Variants in SLC28A1 observed in about 807,000 individuals in gnomAD.
SLC28A1 encodes solute carrier family 28 member 1.
A neutral mutation model predicts 74.8 loss-of-function variants in SLC28A1; 64 were observed. The ratio of observed to expected loss-of-function variants is 0.86; its 90% confidence interval spans 0.70 to 1.05. SLC28A1 has a LOEUF of 1.05. Ranked by LOEUF, SLC28A1 falls within the 50% of genes least tolerant of loss-of-function variation. The pLI is 0.00. For synonymous variants in SLC28A1, 359 were observed against 335.0 expected (o/e 1.07, Z -0.78); for missense variants, 828 against 822.8 (o/e 1.01, Z -0.08).
the SLC28A1 span, among the ~76,000 whole-genome samples, chr15:84,951,195 C>G: frequency 6.6e-6 from 1 of 152,030 alleles, no homozygotes; most frequent in African/African-American, 2.4e-5. Flanking sequence ...CCTCTGTAGT[C>G]CCAGCACTTT....
chr15:84,971,673 A>G, the SLC28A1 span, among the ~76,000 whole-genome samples: 1 of 143,432 alleles, frequency 7.0e-6, no homozygotes, highest in Non-Finnish European at 1.5e-5. Flanking sequence ...TCTTTTTGAC[A>G]GGGTGTCACT....
chr15:84,914,583 G>A (rs547984986), intron 9 of SLC28A1, among the ~76,000 whole-genome samples: 1 of 152,294 alleles, frequency 6.6e-6, no homozygotes, highest in African/African-American at 2.4e-5. Flanking sequence ...TTGTGAAGTG[G>A]CGACAGTTAC....
intron 5 of SLC28A1, among the ~76,000 whole-genome samples, chr15:84,892,260 G>A (rs931862393): frequency 2.6e-5 from 4 of 152,124 alleles, no homozygotes; most frequent in African/African-American, 9.7e-5. Context: ...AGTCATTATA[G>A]GTGCTCTGGA....
At chr15:84,899,665 A>G (rs988725863) in intron 6 of SLC28A1, among the ~76,000 whole-genome samples, 1 of 152,184 alleles carries the variant, frequency 6.6e-6, no homozygotes, top group Non-Finnish European at 1.5e-5. Context: ...TTCAAAAAAG[A>G]AGAGGAAATA....
At chr15:84,888,572 G>A (rs1323411735) in intron 3 of SLC28A1, among the ~76,000 whole-genome samples, 200 bp from the exon 4 acceptor site, 1 of 152,222 alleles carries the variant, frequency 6.6e-6, no homozygotes, top group Non-Finnish European at 1.5e-5. Flanking sequence ...AGGGCAAGAT[G>A]TGTCTGGCAG....
chr15:84,951,051 G>A, the SLC28A1 span, among the ~76,000 whole-genome samples: 1 of 152,142 alleles, frequency 6.6e-6, no homozygotes, highest in East Asian at 1.9e-4. Flanking sequence ...CACGTTCTTG[G>A]TATATTTCAC....
chr15:84,891,201 G>T (rs568886605), intron 5 of SLC28A1, among the ~76,000 whole-genome samples: 1 of 152,304 alleles, frequency 6.6e-6, no homozygotes, highest in South Asian at 2.1e-4. Flanking sequence ...GAAAGAGGGG[G>T]AGATGGAGAC....
At chr15:84,902,403 C>G (rs6496504) in intron 6 of SLC28A1, among the ~76,000 whole-genome samples, 45,603 of 151,754 alleles carry the variant, frequency 0.3, 6,957 homozygotes, top group East Asian at 0.37. Flanking sequence ...GCGCTTAAAC[C>G]CCGGAGGTGG....
At chr15:84,928,519 G>GTTCGTTCA (rs1317793592) in intron 12 of SLC28A1, among the ~76,000 whole-genome samples, 2 of 42,934 alleles carry the variant, frequency 4.7e-5, no homozygotes, top group East Asian at 3.7e-3. Flanking sequence ...AAGCTCCCAG[G>GTTCGTTCA]TTCGTTCGTT....
chr15:84,895,038 C>T lies in SLC28A1; in HGVS notation c.376C>T (p.Arg126Cys), dbSNP rs759745634. The T allele has an allele frequency of 5.8e-5, 94 of 1,613,764 alleles. No homozygotes were observed. The South Asian group carries it at 8.1e-4, about 14-fold the overall frequency. ...TCVVLTFLGH[R>C]LLKRLLGPKL... ...TGTGGTCCTCACCTTCCTGGGCCAC[C>T]GCCTGCTGAAACGGCTTCTGGGGCC... Residue 126 changes from arginine to cysteine, a missense_variant, in exon 6 of 19, where the codon CGC (arginine) becomes TGC (cysteine). By Grantham distance (180) the Arg-to-Cys change is radical. Around this residue, in one of 3 missense-constraint regions of SLC28A1, gnomAD observed 767 missense variants for 753.5 expected, o/e 1.02. Coordinates refer to ENST00000394573, the MANE Select transcript of SLC28A1 (RefSeq NM_004213.5).
In SLC28A1 at chr15:84,945,159, A is replaced by G; in HGVS notation, c.1909A>G (p.Asn637Asp). 1 of 1,614,076 alleles carries G rather than the reference A, an allele frequency of 6.2e-7. No homozygotes were observed. Among genetic ancestry groups the G allele is most frequent in the Admixed American group, 1.7e-5 (1 of 60,026 alleles). Reference protein sequence around the residue: ...NPEFSPEALDNCCRFYNHTIC... With the variant: ...NPEFSPEALDDCCRFYNHTIC... ...AGAGTTCAGCCCAGAGGCCCTGGAC[A>G]ACTGCTGTCGGTTTTACAACCACAC... The change falls in exon 19 of 19, where the codon AAC becomes GAC. Residue 637 changes from asparagine to aspartate, a missense_variant. Physicochemically the swap from Asn to Asp is conservative, Grantham distance 23. Transcript: ENST00000394573.
the SLC28A1 span, among the ~76,000 whole-genome samples, chr15:84,962,653 G>T: frequency 6.6e-6 from 1 of 152,064 alleles, no homozygotes; most frequent in African/African-American, 2.4e-5. Flanking sequence ...TGCCCAGGCT[G>T]GTCTCAAACT....
intron 8 of SLC28A1, among the ~76,000 whole-genome samples, chr15:84,908,178 C>T (rs867401257): frequency 6.5e-4 from 59 of 91,306 alleles, no homozygotes; most frequent in African/African-American, 1.2e-3. Context: ...CAGAGCATTT[C>T]TTTTTTTTTT....
At chr15:84,930,715 C>T (rs1290479475) in intron 12 of SLC28A1, among the ~76,000 whole-genome samples, 2 of 148,920 alleles carry the variant, frequency 1.3e-5, no homozygotes, top group African/African-American at 2.5e-5. Flanking sequence ...TACCCATTCT[C>T]GTGCCTCAGC....
Position 84,884,696 on chromosome 15 carries a change from T to C in SLC28A1, c.-188T>C. On this transcript the variant is annotated 5_prime_UTR_variant, in exon 1 of 19. Coordinates refer to ENST00000394573, the MANE Select transcript of SLC28A1 (RefSeq NM_004213.5). ...GAAGGTTATAAGCTGCACTGCATGG[T>C]TGCTGCTGGATGTGTTGTGTTCCTG... 1 of 985,520 alleles carries C rather than the reference T, an allele frequency of 1.0e-6. No homozygotes were observed. Among genetic ancestry groups the C allele is most frequent in the Non-Finnish European group, 1.2e-6 (1 of 829,900 alleles). The allele number at this position is 985,520 out of a possible 1,614,324, so 61.0% of individuals were successfully genotyped here.
At chr15:84,955,294 GATGGTAGTGGTTTTATGCA>G in the SLC28A1 span, among the ~76,000 whole-genome samples, 1 of 152,186 alleles carries the variant, frequency 6.6e-6, no homozygotes, top group Non-Finnish European at 1.5e-5. Flanking sequence ...GAGCATAATG[GATGGTAGTGGTTTTATGCA>G]ACGGGTTTGG....
chr15:84,965,989 G>A, the SLC28A1 span, among the ~76,000 whole-genome samples: 3 of 152,226 alleles, frequency 2.0e-5, no homozygotes, highest in South Asian at 6.2e-4. Flanking sequence ...GGGGTCCTGA[G>A]CCTAGATCTC....
At chr15:84,936,244 T>TTTGG (rs1971918293) in intron 15 of SLC28A1, among the ~76,000 whole-genome samples, 2 of 147,080 alleles carry the variant, frequency 1.4e-5, no homozygotes, top group Non-Finnish European at 3.0e-5. Context: ...CGCCCGGCTG[T>TTTGG]TTTGGTTTGG....
At chr15:84,933,045 G>C in intron 12 of SLC28A1, 100 bp from the exon 13 acceptor site, 1 of 1,157,186 alleles carries the variant, frequency 8.6e-7, no homozygotes. Flanking sequence ...ATATCAGTGG[G>C]ACAGACTACA....
Sources: allele counts gnomAD v4.1 joint callset (sites outside exome capture counted in the v4.1 genomes callset), GRCh38; gene constraint gnomAD v4.1.1; regional missense constraint gnomAD v4.1.1; transcripts MANE v1.5; gene names NCBI Gene and HGNC (gene_info 2026-07-23, HGNC 2026-07-21).